The following USP4 variants were observed in gnomAD, a reference collection of about 807,000 sequenced individuals.
The protein encoded by USP4 is ubiquitin specific peptidase 4, also known as ubiquitin carboxyl-terminal hydrolase 4.
A neutral mutation model predicts 118.2 loss-of-function variants in USP4; 72 were observed. The observed-to-expected ratio is 0.61, with a 90% confidence interval of 0.50 to 0.74. The LOEUF (loss-of-function observed/expected upper bound fraction) is 0.74, where lower values mean the gene tolerates loss of function less well. Among genes scored for constraint, USP4 ranks in the 30% least tolerant of loss-of-function variants. The probability of loss-of-function intolerance (pLI) is 0.00; values close to 1 mark genes in which losing one functional copy is unlikely to be tolerated. For synonymous variants in USP4, 415 were observed against 440.4 expected (o/e 0.94, Z 0.72); for missense variants, 1,037 against 1,185.7 (o/e 0.87, Z 1.84).
intron 14 of USP4, among the ~76,000 whole-genome samples, chr3:49,293,286 G>A (rs373270592): frequency 6.6e-6 from 1 of 152,050 alleles, no homozygotes; most frequent in South Asian, 2.1e-4. Flanking sequence ...GCTGAGATGG[G>A]AGTGTCACTT....
Position 49,311,510 on chromosome 3 carries a change from T to C in USP4, c.836+4A>G. The stretch of plus-strand genomic sequence containing the variant: ...GGAAGCAGAGTGAAAGGACCTGCTC[T>C]TACCCCCTGCTGACACCGGAACTGT... On this transcript the variant is annotated splice_donor_region_variant and intron_variant, in intron 7 of 21. Coordinates refer to ENST00000265560, the MANE Select transcript of USP4 (RefSeq NM_003363.4). The C allele has an allele frequency of 6.2e-7, 1 of 1,613,078 alleles. No homozygotes were observed. The highest frequency in any genetic ancestry group is 8.5e-7 in the Non-Finnish European group (1 of 1,179,550).
In USP4 at chr3:49,324,854, G is replaced by A. The variant is rs564637481; in HGVS notation, c.633+40C>T. ...AAAAAGTATCTGGCCACACACCCTG[G>A]GCAGAGCTACCTGCTGGGGAATGGC... On this transcript the variant is annotated intron_variant, in intron 5 of 21. Transcript: ENST00000265560. 3 of 1,613,920 alleles carry A rather than the reference G, an allele frequency of 1.9e-6. No homozygotes were observed. The South Asian group carries it at 3.3e-5, about 18-fold the overall frequency.
intron 6 of USP4, chr3:49,317,310 T>G (rs1467651744): frequency 1.4e-6 from 2 of 1,423,828 alleles, no homozygotes; most frequent in East Asian, 4.8e-5. Flanking sequence ...CCAGCTTCTC[T>G]GTCAGCTGCC....
chr3:49,339,876 T>C, intron 1 of USP4, 48 bp downstream of exon 1: 1 of 1,540,994 alleles, frequency 6.5e-7, no homozygotes, highest in Non-Finnish European at 8.9e-7. Context: ...AGGCCCCTTT[T>C]TCTCGGCCCC....
At chr3:49,319,676 C>T (rs576637751) in intron 6 of USP4, among the ~76,000 whole-genome samples, 1 of 151,392 alleles carries the variant, frequency 6.6e-6, no homozygotes, top group Admixed American at 6.6e-5. Flanking sequence ...TGCAATGGTG[C>T]CATCTCAGCT....
intron 7 of USP4, 92 bp downstream of exon 7, chr3:49,311,422 A>G: frequency 7.0e-7 from 1 of 1,425,118 alleles, no homozygotes; most frequent in Non-Finnish European, 9.6e-7. Flanking sequence ...CTCTAACCCC[A>G]CTATGCTTAG....
chr3:49,319,283 C>T (rs1474747588), intron 6 of USP4, among the ~76,000 whole-genome samples: 3 of 152,094 alleles, frequency 2.0e-5, no homozygotes, highest in African/African-American at 7.2e-5. Context: ...GAGTCTTGCT[C>T]TGTTGCCCAG....
rs745825257 is a variant in USP4, at chr3:49,327,764, T to C, written c.282A>G (p.Val94=). 4.3e-6 allele frequency: 7 copies of C among 1,613,504 alleles called. No homozygotes were observed. The highest frequency in any genetic ancestry group is 5.9e-6 in the Non-Finnish European group (7 of 1,179,446). The change falls in exon 3 of 22, where the codon GTA becomes GTG. Residue 94 remains valine (V), a synonymous_variant. Transcript: ENST00000265560. ...KEHLIDELDY[V]LVPTEAWNKL... ...TATTCCACGCCTCGGTAGGGACCAATACATAGTCCAATTCATCAATTAAGT... is the reference window on the plus strand; with the variant it reads ...TATTCCACGCCTCGGTAGGGACCAACACATAGTCCAATTCATCAATTAAGT...
At chr3:49,278,534 C>G in intron 21 of USP4, 83 bp from the exon 22 acceptor site, 3 of 1,502,944 alleles carry the variant, frequency 2.0e-6, no homozygotes, top group Non-Finnish European at 2.7e-6. Flanking sequence ...TGTCCAAAAC[C>G]CTCAAGGATC....
chr3:49,280,718 AG>A (rs1455696611), intron 20 of USP4, 25 bp downstream of exon 20: 1 of 1,585,228 alleles, frequency 6.3e-7, no homozygotes, highest in Non-Finnish European at 8.7e-7. Flanking sequence ...TCAACATCTC[AG>A]AAGGAAGCAG....
intron 14 of USP4, among the ~76,000 whole-genome samples, chr3:49,293,166 C>T (rs2047168030): frequency 6.6e-6 from 1 of 152,036 alleles, no homozygotes; most frequent in Non-Finnish European, 1.5e-5. Context: ...CACCTGAGGT[C>T]AGGATTTCCA....
intron 6 of USP4, among the ~76,000 whole-genome samples, chr3:49,320,970 C>T (rs1448668609): frequency 6.6e-6 from 1 of 152,078 alleles, no homozygotes; most frequent in Non-Finnish European, 1.5e-5. Context: ...TTCCTGAAAG[C>T]CAGGTATTGT....
chr3:49,302,584 G>T lies in USP4; in HGVS notation c.1129-42C>A, dbSNP rs764480297. On this transcript the variant is annotated intron_variant, in intron 9 of 21. Transcript: ENST00000265560. The stretch of plus-strand genomic sequence containing the variant: ...TGTATCAGAAGGCATAATACGTAAA[G>T]AACTAGTTAAATCAAAAAAGAATTG... 5 of 1,578,916 alleles carry T rather than the reference G, an allele frequency of 3.2e-6. No individual in the cohort carries two copies. In the African/African-American group the frequency reaches 5.5e-5, roughly 17 times the overall value.
chr3:49,324,624 T>C (rs1179485565), intron 6 of USP4, 78 bp downstream of exon 6: 3 of 1,324,556 alleles, frequency 2.3e-6, no homozygotes, highest in Non-Finnish European at 3.3e-6. Context: ...CAATTTTTCT[T>C]AGTACAAGTA....
intron 13 of USP4, among the ~76,000 whole-genome samples, chr3:49,295,023 C>T (rs2047187886): frequency 6.6e-6 from 1 of 152,166 alleles, no homozygotes; most frequent in Non-Finnish European, 1.5e-5. Flanking sequence ...GGCGCGGTGG[C>T]TCACGCCTGT....
At chr3:49,307,854 T>C (rs2047335691) in intron 8 of USP4, among the ~76,000 whole-genome samples, 1 of 151,698 alleles carries the variant, frequency 6.6e-6, no homozygotes, top group Non-Finnish European at 1.5e-5. Context: ...GAAAAAACAA[T>C]TAGCAAGGCC....
chr3:49,325,156 A>C, intron 4 of USP4, 117 bp from the exon 5 acceptor site: 1 of 1,244,228 alleles, frequency 8.0e-7, no homozygotes, highest in Non-Finnish European at 1.1e-6. Context: ...CTCTGGATCA[A>C]CCCCCTGATA....
In USP4 at chr3:49,284,415, T is replaced by C. The variant is rs529303846; in HGVS notation, c.2390+51A>G. 4 of 1,469,250 alleles carry C rather than the reference T, an allele frequency of 2.7e-6. No individual in the cohort carries two copies. In the South Asian group the frequency reaches 3.5e-5, roughly 13 times the overall value. 91.0% of individuals were successfully genotyped at this position (1,469,250 alleles called of 1,614,324 possible). On this transcript the variant is annotated intron_variant, in intron 18 of 21. Transcript: ENST00000265560. Reference sequence around the variant, plus strand: ...TGTGCACAGATGGCCCTAGCAGATCTGAGTCCTGGGGTGCATGGGGCCTCT... The same window carrying C: ...TGTGCACAGATGGCCCTAGCAGATCCGAGTCCTGGGGTGCATGGGGCCTCT...
At position 49,278,417 on chromosome 3, in the gene USP4, C is replaced by G; in HGVS notation, c.2768G>C (p.Arg923Pro). The stretch of plus-strand genomic sequence containing the variant: ...AGGTGTCTTATAAAATTCATCATCT[C>G]GACGTTGGTAAAATAGCACATAAGC... Reference protein sequence around the residue: ...KAAYVLFYQRRDDEFYKTPSL... With the variant: ...KAAYVLFYQRPDDEFYKTPSL... The change falls in exon 22 of 22, where the codon CGA becomes CCA. Residue 923 changes from arginine to proline, a missense_variant. Transcript: ENST00000265560. The G allele has an allele frequency of 6.2e-7, 1 of 1,614,094 alleles. No individual in the cohort carries two copies. Among genetic ancestry groups the G allele is most frequent in the Non-Finnish European group, 8.5e-7 (1 of 1,180,004 alleles).
Sources: gnomAD v4.1 joint callset for allele counts (sites outside exome capture counted in the v4.1 genomes callset) on GRCh38, gnomAD v4.1.1 for gene constraint, MANE v1.5 for transcripts, NCBI Gene and HGNC (gene_info 2026-07-23, HGNC 2026-07-21) for gene names.